Variants in CSMD1 observed in about 807,000 individuals in gnomAD.
The protein encoded by CSMD1 is CUB and sushi domain-containing protein 1.
Under a neutral mutation model 417.5 loss-of-function variants are expected in CSMD1, and 213 were observed. That is an observed-to-expected ratio of 0.51 (90% CI 0.46 to 0.57). The LOEUF is 0.57. Ranked by LOEUF, CSMD1 falls within the 20% of genes least tolerant of loss-of-function variation. The probability of loss-of-function intolerance (pLI) is 0.00; values close to 1 mark genes in which losing one functional copy is unlikely to be tolerated. For missense variants in CSMD1, 6,923 were observed against 4,529.7 expected, an observed-to-expected ratio of 1.53 and a Z score of -15.17; for synonymous variants, 2,862 against 1,736.8, an observed-to-expected ratio of 1.65 and a Z score of -16.11.
At chr8:3,970,803 A>G (rs1439679533) in intron 5 of CSMD1, among the ~76,000 whole-genome samples, 2 of 151,998 alleles carry the variant, frequency 1.3e-5, no homozygotes, top group Non-Finnish European at 2.9e-5. Flanking sequence ...CCCAGGCTGG[A>G]GTCCAGGGGC....
In CSMD1 at chr8:4,127,316, C is replaced by T. The variant is rs6991251; in HGVS notation, c.416-95217G>A. Among the ~76,000 whole-genome samples the T allele has an allele frequency of 1.3e-3, 194 of 152,028 alleles. 1 individual carries two copies. The highest frequency in any genetic ancestry group is 4.4e-3 in the African/African-American group (182 of 41,460). ...TGCTTTTCAGATTTCTTATTCTAGA[C>T]TTCTTTCTTTCTGGCAGTACAAGCC... On this transcript the variant is annotated intron_variant, in intron 3 of 69. Coordinates refer to ENST00000635120, the MANE Select transcript of CSMD1 (RefSeq NM_033225.6).
intron 18 of CSMD1, among the ~76,000 whole-genome samples, chr8:3,380,103 G>C (rs572694217): frequency 1.3e-5 from 2 of 152,214 alleles, no homozygotes; most frequent in Admixed American, 1.3e-4. Flanking sequence ...CTTCTCTAAA[G>C]AAGACATTTA....
chr8:3,432,815 A>T (rs528414079), intron 12 of CSMD1, among the ~76,000 whole-genome samples: 1 of 152,274 alleles, frequency 6.6e-6, no homozygotes, highest in South Asian at 2.1e-4. Context: ...CACATGGCCA[A>T]CATGGGCTTA....
At chr8:3,973,479 T>C (rs914660636) in intron 5 of CSMD1, among the ~76,000 whole-genome samples, 11 of 152,228 alleles carry the variant, frequency 7.2e-5, no homozygotes, top group African/African-American at 2.7e-4. Flanking sequence ...AAGTTGTTTA[T>C]TTTAAAAAAT....
intron 10 of CSMD1, among the ~76,000 whole-genome samples, chr8:3,545,027 G>C (rs1356219438): frequency 1.3e-5 from 2 of 152,158 alleles, no homozygotes; most frequent in Non-Finnish European, 2.9e-5. Flanking sequence ...TATCAGGACA[G>C]TATAAAGTTA....
chr8:3,308,465 T>C lies in CSMD1; in HGVS notation c.3670A>G (p.Asn1224Asp). The C allele has an allele frequency of 1.9e-6, 3 of 1,613,596 alleles. No homozygotes were observed. Among genetic ancestry groups the C allele is most frequent in the Non-Finnish European group, 2.5e-6 (3 of 1,179,646 alleles). The change falls in exon 24 of 70, where the codon AAC (asparagine) becomes GAC (aspartate). Residue 1224 changes from asparagine (N) to aspartate (D), a missense_variant. By Grantham distance (23) the Asn-to-Asp change is conservative. Coordinates refer to ENST00000635120, the MANE Select transcript of CSMD1 (RefSeq NM_033225.6). ...TCATCACGGATCCTATAGCCGTAGT[T>C]AGGGATGCCCGGATCCTCACATTTT... Reference protein sequence around the residue: ...LVKCEDPGIPNYGYRIRDEGH... With the variant: ...LVKCEDPGIPDYGYRIRDEGH...
At chr8:4,795,781 C>T (rs1797951289) in intron 1 of CSMD1, among the ~76,000 whole-genome samples, 1 of 152,086 alleles carries the variant, frequency 6.6e-6, no homozygotes. Flanking sequence ...CCTTCAGGTA[C>T]TCTGAGTGCA....
In CSMD1 at chr8:4,308,766, C is replaced by A. The variant is rs1798396327; in HGVS notation, c.415+111187G>T. Among the ~76,000 whole-genome samples, 3 of 152,122 alleles carry A rather than the reference C, an allele frequency of 2.0e-5. No homozygotes were observed. The South Asian group carries it at 6.2e-4, about 32-fold the overall frequency. ...AAGACTGGCTGTTTGAGCGTGATGA[C>A]TAAAGATTATTTACAAAACTAATTC... On this transcript the variant is annotated intron_variant, in intron 3 of 69. Transcript: ENST00000635120.
intron 10 of CSMD1, among the ~76,000 whole-genome samples, chr8:3,547,567 A>G (rs1210076152): frequency 6.6e-6 from 1 of 152,194 alleles, no homozygotes; most frequent in Non-Finnish European, 1.5e-5. Context: ...ATTGAGTTTT[A>G]GGCTTTATTT....
chr8:4,825,859 TA>T (rs1373094877), intron 1 of CSMD1, among the ~76,000 whole-genome samples: 9 of 150,476 alleles, frequency 6.0e-5, no homozygotes, highest in African/African-American at 2.2e-4. Context: ...TCTGAAGAGA[TA>T]CAATTGTCCA....
chr8:4,359,595 G>C (rs1442088762), intron 3 of CSMD1, among the ~76,000 whole-genome samples: 1 of 152,186 alleles, frequency 6.6e-6, no homozygotes, highest in African/African-American at 2.4e-5. Flanking sequence ...TGTTCTAAAA[G>C]ACTGAATTAA....
intron 2 of CSMD1, among the ~76,000 whole-genome samples, chr8:4,489,163 C>T (rs1318655532): frequency 3.3e-5 from 5 of 152,124 alleles, no homozygotes; most frequent in Admixed American, 6.5e-5. Flanking sequence ...CTACCTGCCT[C>T]GGCCTCCCAA....
At chr8:3,833,121 A>T (rs1347276825) in intron 5 of CSMD1, among the ~76,000 whole-genome samples, 1 of 152,076 alleles carries the variant, frequency 6.6e-6, no homozygotes, top group Admixed American at 6.6e-5. Context: ...CACTACAGGG[A>T]GCATGTCAAA....
intron 65 of CSMD1, among the ~76,000 whole-genome samples, chr8:2,952,689 T>A (rs77760652): frequency 3.0e-5 from 3 of 99,674 alleles, no homozygotes; most frequent in Non-Finnish European, 6.3e-5. Context: ...ACATAAAAAA[T>A]ATCTTCCCTA....
intron 1 of CSMD1, among the ~76,000 whole-genome samples, chr8:4,976,480 C>A (rs772940054): frequency 1.3e-5 from 2 of 152,154 alleles, no homozygotes; most frequent in African/African-American, 2.4e-5. Flanking sequence ...TCACAATGCT[C>A]CTATAATATT....
intron 18 of CSMD1, among the ~76,000 whole-genome samples, chr8:3,375,514 G>A (rs1810252212): frequency 6.6e-6 from 1 of 151,976 alleles, no homozygotes; most frequent in Non-Finnish European, 1.5e-5. Context: ...ATGCCCTACA[G>A]AAGTCGCTGA....
chr8:2,983,070 C>T (rs1022692747), intron 54 of CSMD1, among the ~76,000 whole-genome samples: 6 of 152,156 alleles, frequency 3.9e-5, no homozygotes, highest in African/African-American at 1.4e-4. Flanking sequence ...ACCGTGAACA[C>T]TTCAACTGTT....
intron 6 of CSMD1, among the ~76,000 whole-genome samples, chr8:3,742,336 T>A (rs950635195): frequency 6.6e-6 from 1 of 152,176 alleles, no homozygotes; most frequent in African/African-American, 2.4e-5. Context: ...GTCCATAACT[T>A]ACATTAACAT....
chr8:4,365,260 T>C (rs968563703), intron 3 of CSMD1, among the ~76,000 whole-genome samples: 24 of 152,210 alleles, frequency 1.6e-4, no homozygotes, highest in African/African-American at 4.3e-4. Flanking sequence ...GTAATTTTAC[T>C]TTCTTAAAGA....
Sources: allele counts gnomAD v4.1 joint callset (sites outside exome capture counted in the v4.1 genomes callset), GRCh38; gene constraint gnomAD v4.1.1; transcripts MANE v1.5; gene names NCBI Gene and HGNC (gene_info 2026-07-23, HGNC 2026-07-21).